LINS1: variants seen among roughly 807,000 people sequenced by gnomAD.
LINS1 encodes protein Lines homolog 1.
LINS1 carries 27 observed loss-of-function variants against 41.6 expected under a neutral mutation model. The observed-to-expected ratio is 0.65, with a 90% CI of 0.48 to 0.89. LINS1 has a LOEUF of 0.89. LINS1 is among the 40% of genes least tolerant of loss of function. The probability of loss-of-function intolerance (pLI) is 0.00; values close to 1 mark genes in which losing one functional copy is unlikely to be tolerated. For synonymous variants in LINS1, 336 were observed against 312.9 expected (o/e 1.07, Z -0.78); for missense variants, 955 against 884.1 (o/e 1.08, Z -1.02).
Position 100,594,773 on chromosome 15 carries a change from C to T in LINS1, c.-104+7348G>A, listed in dbSNP as rs570291068. Among the ~76,000 whole-genome samples the T allele has an allele frequency of 2.0e-5, 3 of 152,232 alleles. No homozygotes were observed. In the East Asian group the frequency reaches 5.8e-4, roughly 29 times the overall value. On this transcript the variant is annotated intron_variant, in intron 1 of 6. Coordinates refer to ENST00000314742, the MANE Select transcript of LINS1 (RefSeq NM_001040616.3). ...GGCTGGTTCCCCCTGGCAGCCAGCA[C>T]CCCATCCTGTAGCCAAAATTTTTCC...
At position 100,574,088 on chromosome 15, in the gene LINS1, G is replaced by C. The variant is rs775479448; in HGVS notation, c.785C>G (p.Ser262Cys). 5.6e-6 allele frequency: 9 copies of C among 1,614,060 alleles called. No individual in the cohort carries two copies. The highest frequency in any genetic ancestry group is 6.8e-6 in the Non-Finnish European group (8 of 1,180,032). ...GAAATGTAACTTCAGGTGGATTCTG[G>C]AGGCGATGAGAAGCTCAAGCAAATC... is the stretch of plus-strand genomic sequence containing the variant. ...FLDLLELLIASRIHLKLHFTC... is the reference protein window; with the variant it reads ...FLDLLELLIACRIHLKLHFTC... The change falls in exon 5 of 7, where the codon TCC (serine) becomes TGC (cysteine). Residue 262 changes from serine to cysteine, a missense_variant. Physicochemically the swap from Ser to Cys is moderately radical, Grantham distance 112. Transcript: ENST00000314742.
At chr15:100,594,306 A>G (rs922391355) in intron 1 of LINS1, among the ~76,000 whole-genome samples, 2 of 152,206 alleles carry the variant, frequency 1.3e-5, no homozygotes, top group Non-Finnish European at 2.9e-5. Flanking sequence ...AGGGCCGACT[A>G]TAGTTCCATT....
Position 100,574,256 on chromosome 15 carries a change from A to G in LINS1, c.632-15T>C. On this transcript the variant is annotated splice_polypyrimidine_tract_variant and intron_variant, in intron 4 of 6. Transcript: ENST00000314742. ...CTTTAGAATTTCTGCAATTATAAAA[A>G]TAGGAATTATAAACAGGAAAAACAG... 2.0e-6 allele frequency: 3 copies of G among 1,482,896 alleles called. No individual in the cohort carries two copies. Among genetic ancestry groups the G allele is most frequent in the South Asian group, 2.3e-5 (2 of 87,874 alleles). 91.9% of individuals were successfully genotyped at this position (1,482,896 alleles called of 1,614,324 possible). A position where few individuals can be genotyped will look rare whatever the true frequency, so the allele number is the denominator to read the frequency against.
At chr15:100,589,221 A>G (rs1426496702) in intron 1 of LINS1, among the ~76,000 whole-genome samples, 1 of 152,258 alleles carries the variant, frequency 6.6e-6, no homozygotes, top group Non-Finnish European at 1.5e-5. Flanking sequence ...GTAAAAGACT[A>G]TAAGAAAGCA....
chr15:100,582,220 G>C (rs2038580849), intron 1 of LINS1, among the ~76,000 whole-genome samples: 1 of 145,482 alleles, frequency 6.9e-6, no homozygotes, highest in African/African-American at 2.5e-5. Flanking sequence ...CACTAGCCTA[G>C]TCTTGGTCTT....
intron 1 of LINS1, among the ~76,000 whole-genome samples, chr15:100,591,225 G>A (rs960845626): frequency 6.6e-6 from 1 of 152,160 alleles, no homozygotes; most frequent in African/African-American, 2.4e-5. Context: ...CTTGTGTGCT[G>A]TATTCTCTCA....
In LINS1 at chr15:100,580,372, A is replaced by ATG; in HGVS notation, c.400-21_400-20insCA. Reference sequence around the variant, plus strand: ...GCAGATCTACAGGAAAACAAATATAATTAACCACTATTGCTGAATGTTCTT... The same window carrying ATG: ...GCAGATCTACAGGAAAACAAATATAATGTTAACCACTATTGCTGAATGTTCTT... On this transcript the variant is annotated intron_variant, in intron 2 of 6. Transcript: ENST00000314742. 2 of 1,604,192 alleles carry ATG rather than the reference A, an allele frequency of 1.2e-6. No homozygotes were observed. The highest frequency in any genetic ancestry group is 2.2e-5 in the South Asian group (2 of 90,808).
At chr15:100,587,549 T>C (rs1172105688) in intron 1 of LINS1, among the ~76,000 whole-genome samples, 1 of 152,200 alleles carries the variant, frequency 6.6e-6, no homozygotes, top group Non-Finnish European at 1.5e-5. Flanking sequence ...TTTATTCTCC[T>C]CTGGGCTTTG....
In LINS1 at chr15:100,580,672, G is replaced by A; in HGVS notation, c.171C>T (p.Gly57=). The A allele has an allele frequency of 6.2e-7, 1 of 1,613,916 alleles. No homozygotes were observed. Among genetic ancestry groups the A allele is most frequent in the Non-Finnish European group, 8.5e-7 (1 of 1,179,916 alleles). ...CACCAACAGAGATGGGCTGATGCCT[G>A]CCCTGGATACCACAGGTGTTTGCCC... ...LEWANTCGIQ[G]RHQPISVGVA... is the part of the protein sequence containing the mutation. Residue 57 remains glycine (G), a synonymous_variant, in exon 2 of 7, where the codon GGC becomes GGT. Coordinates refer to ENST00000314742, the MANE Select transcript of LINS1 (RefSeq NM_001040616.3).
chr15:100,590,046 G>A (rs777092233), intron 1 of LINS1, among the ~76,000 whole-genome samples: 52 of 152,124 alleles, frequency 3.4e-4, no homozygotes, highest in Admixed American at 7.2e-4. Flanking sequence ...AACTGAGGAG[G>A]GTCCCTCCAC....
chr15:100,594,311 T>G (rs2039157138), intron 1 of LINS1, among the ~76,000 whole-genome samples: 1 of 152,188 alleles, frequency 6.6e-6, no homozygotes, highest in Non-Finnish European at 1.5e-5. Flanking sequence ...CGACTATAGT[T>G]CCATTTAAGC....
intron 1 of LINS1, among the ~76,000 whole-genome samples, chr15:100,593,765 C>T (rs2039136963): frequency 6.6e-6 from 1 of 152,206 alleles, no homozygotes; most frequent in South Asian, 2.1e-4. Context: ...CAACATTGGA[C>T]TTCAAATTAA....
At chr15:100,577,200 C>T (rs1343507039) in intron 3 of LINS1, among the ~76,000 whole-genome samples, 5 of 152,072 alleles carry the variant, frequency 3.3e-5, no homozygotes, top group Admixed American at 6.6e-5. Context: ...GAGAAAGAAA[C>T]AAAGGGTATT....
At chr15:100,592,153 A>T (rs2039065500) in intron 1 of LINS1, among the ~76,000 whole-genome samples, 1 of 152,248 alleles carries the variant, frequency 6.6e-6, no homozygotes, top group Non-Finnish European at 1.5e-5. Context: ...AAAATTCTGT[A>T]ACGGGGCTCT....
chr15:100,580,263 C>T lies in LINS1; in HGVS notation c.489G>A (p.Lys163=). 6.3e-7 allele frequency: 1 copy of T among 1,585,974 alleles called. No individual in the cohort carries two copies. Among genetic ancestry groups the T allele is most frequent in the Non-Finnish European group, 8.7e-7 (1 of 1,155,672 alleles). The change falls in exon 3 of 7, where the codon AAG becomes AAA. Residue 163 remains lysine (K), a splice_region_variant and synonymous_variant. Transcript: ENST00000314742. ...AACATACTTTGATTACTTATCTTAC[C>T]TTTTCTCTCAATTGGAAATATAGAA... The part of the protein sequence containing the change: ...ALLLYFQLRE[K]ITLSNSWIAF...
chr15:100,572,935 C>T (rs909656186), intron 5 of LINS1: 16 of 578,948 alleles, frequency 2.8e-5, no homozygotes, highest in Middle Eastern at 8.2e-4. Flanking sequence ...GAAACAGAGA[C>T]GAGAGGATCA....
intron 1 of LINS1, among the ~76,000 whole-genome samples, chr15:100,592,315 CAAG>C (rs2039074211): frequency 6.6e-6 from 1 of 152,166 alleles, no homozygotes; most frequent in South Asian, 2.1e-4. Flanking sequence ...TTCAAGACGC[CAAG>C]AACCTGGACA....
At chr15:100,587,157 TAAAAAAAAAA>T (rs56781451) in intron 1 of LINS1, among the ~76,000 whole-genome samples, 1 of 68,266 alleles carries the variant, frequency 1.5e-5, no homozygotes, top group African/African-American at 5.6e-5. Context: ...GACTCTGTCT[TAAAAAAAAAA>T]AAAAAAAAAA....
In LINS1 at chr15:100,580,911, T is replaced by C. The variant is rs571058391; in HGVS notation, c.-69A>G. 5 of 1,407,326 alleles carry C rather than the reference T, an allele frequency of 3.6e-6. No individual in the cohort carries two copies. In the Admixed American group the frequency reaches 1.0e-4, roughly 29 times the overall value. 87.2% of individuals were successfully genotyped at this position (1,407,326 alleles called of 1,614,324 possible). A position where few individuals can be genotyped will look rare whatever the true frequency, so the allele number is the denominator to read the frequency against. ...AGTTGTAAACATTAAATCTCAGAAG[T>C]GCAATGAATCTCTAAGAAGTTTCTT... On this transcript the variant is annotated 5_prime_UTR_variant, in exon 2 of 7. Coordinates refer to ENST00000314742, the MANE Select transcript of LINS1 (RefSeq NM_001040616.3).
Sources: gnomAD v4.1 joint callset for allele counts (sites outside exome capture counted in the v4.1 genomes callset) on GRCh38, gnomAD v4.1.1 for gene constraint, MANE v1.5 for transcripts, NCBI Gene and HGNC (gene_info 2026-07-23, HGNC 2026-07-21) for gene names.